NCKAP5: variants seen among roughly 807,000 people sequenced by gnomAD.
NCKAP5 encodes the protein NCK associated protein 5.
A neutral mutation model predicts 167.0 loss-of-function variants in NCKAP5; 92 were observed. The ratio of observed to expected loss-of-function variants is 0.55; its 90% confidence interval spans 0.47 to 0.66. The LOEUF is 0.66. NCKAP5 is among the 30% of genes least tolerant of loss of function. NCKAP5 has a pLI of 0.00. For missense variants in NCKAP5, 2,378 were observed against 2,315.0 expected (o/e 1.03, Z -0.56); for synonymous variants, 891 against 877.4 (o/e 1.02, Z -0.27).
At chr2:133,603,382 C>A in the NCKAP5 span, among the ~76,000 whole-genome samples, 1 of 151,972 alleles carries the variant, frequency 6.6e-6, no homozygotes, top group Non-Finnish European at 1.5e-5. Flanking sequence ...TGCACCACCA[C>A]ACCCAGCTAA....
chr2:132,917,543 A>C (rs1224019603), intron 8 of NCKAP5, among the ~76,000 whole-genome samples: 1 of 152,124 alleles, frequency 6.6e-6, no homozygotes, highest in Non-Finnish European at 1.5e-5. Context: ...TAAAATTTAT[A>C]ATAGTTGATT....
chr2:133,223,847 G>A (rs1404278432), intron 4 of NCKAP5, among the ~76,000 whole-genome samples: 1 of 152,108 alleles, frequency 6.6e-6, no homozygotes, highest in Non-Finnish European at 1.5e-5. Flanking sequence ...ACCAACATTG[G>A]AAAAGCACAA....
chr2:133,616,736 G>C, the NCKAP5 span, among the ~76,000 whole-genome samples: 2 of 151,864 alleles, frequency 1.3e-5, no homozygotes. Context: ...AGGAGGAACT[G>C]GTACCATTCC....
intron 6 of NCKAP5, among the ~76,000 whole-genome samples, chr2:133,103,132 A>G (rs529297903): frequency 6.6e-6 from 1 of 152,250 alleles, no homozygotes; most frequent in East Asian, 1.9e-4. Context: ...ATATTTTTAC[A>G]TATTTGTTGG....
chr2:133,608,247 A>C, the NCKAP5 span, among the ~76,000 whole-genome samples: 7 of 152,180 alleles, frequency 4.6e-5, no homozygotes, highest in African/African-American at 1.7e-4. Flanking sequence ...CTGATGATCA[A>C]ATTGCTCTTC....
chr2:133,625,864 T>A, the NCKAP5 span, among the ~76,000 whole-genome samples: 1,004 of 142,544 alleles, frequency 7.0e-3, 14 homozygotes, highest in African/African-American at 0.026. Flanking sequence ...GGAGCGAGAC[T>A]TGTCTCAAAA....
At chr2:133,075,891 A>C (rs2080584675) in intron 6 of NCKAP5, among the ~76,000 whole-genome samples, 1 of 152,210 alleles carries the variant, frequency 6.6e-6, no homozygotes, top group South Asian at 2.1e-4. Context: ...TAAATGGTCA[A>C]ACTACAATAA....
intron 5 of NCKAP5, among the ~76,000 whole-genome samples, chr2:133,187,932 G>A (rs2085022240): frequency 6.6e-6 from 1 of 151,978 alleles, no homozygotes; most frequent in African/African-American, 2.4e-5. Flanking sequence ...TATCCAATTT[G>A]CCAGTCTGTG....
chr2:133,122,112 G>A (rs1445332415), intron 6 of NCKAP5: 1 of 152,158 alleles, frequency 6.6e-6, no homozygotes, highest in Non-Finnish European at 1.5e-5. Flanking sequence ...GAGAGAACTG[G>A]TCCAGGACAT....
chr2:133,474,732 C>T (rs1679727115), intron 3 of NCKAP5, among the ~76,000 whole-genome samples: 1 of 151,900 alleles, frequency 6.6e-6, no homozygotes, highest in African/African-American at 2.4e-5. Flanking sequence ...CTATCTCTCT[C>T]CTACTAATTA....
chr2:133,382,418 C>T lies in NCKAP5; in HGVS notation c.70-79308G>A, dbSNP rs569371504. Among the ~76,000 whole-genome samples, 32 of 152,280 alleles carry T rather than the reference C, an allele frequency of 2.1e-4. 1 individual carries two copies. The South Asian group carries it at 6.0e-3, about 29-fold the overall frequency. On this transcript the variant is annotated intron_variant, in intron 3 of 19. Coordinates refer to ENST00000409261, the MANE Select transcript of NCKAP5 (RefSeq NM_207363.3). ...GGTATGCCACTCACCTTCACTTAAA[C>T]CATTCAATACCTTCTCATTGGTTTT... is the stretch of plus-strand genomic sequence containing the variant.
intron 11 of NCKAP5, among the ~76,000 whole-genome samples, chr2:132,802,794 C>A (rs1018534762): frequency 6.6e-6 from 1 of 152,092 alleles, no homozygotes; most frequent in South Asian, 2.1e-4. Flanking sequence ...TCTGTAGAAG[C>A]CAAATGATCT....
chr2:133,517,670 ATTG>A, intron 2 of NCKAP5, 83 bp from the exon 3 acceptor site: 1 of 444,492 alleles, frequency 2.2e-6, no homozygotes, highest in Non-Finnish European at 3.9e-6. Context: ...AGAAACAAGC[ATTG>A]AAGTCAAAAA....
intron 10 of NCKAP5, 148 bp from the exon 11 acceptor site, chr2:132,860,759 G>T (rs1447548): frequency 0.23 from 244,154 of 1,066,982 alleles, 30,354 homozygotes; most frequent in East Asian, 0.45. Context: ...ATACGTTTTC[G>T]TCCACAGACC....
chr2:133,622,424 G>T, the NCKAP5 span, among the ~76,000 whole-genome samples: 1 of 152,004 alleles, frequency 6.6e-6, no homozygotes. Flanking sequence ...ACTAGTAAAT[G>T]AATTCAGCAA....
intron 6 of NCKAP5, among the ~76,000 whole-genome samples, chr2:133,021,981 A>C (rs975176611): frequency 6.6e-6 from 1 of 152,150 alleles, no homozygotes; most frequent in Non-Finnish European, 1.5e-5. Context: ...TACACTTCTG[A>C]GATGATCCCA....
At chr2:132,917,976 A>G (rs1024562472) in intron 8 of NCKAP5, among the ~76,000 whole-genome samples, 2 of 152,244 alleles carry the variant, frequency 1.3e-5, no homozygotes, top group African/African-American at 2.4e-5. Context: ...GAAGTATATT[A>G]TACCAAGTCT....
At chr2:133,357,979 CTG>C (rs1684850911) in intron 3 of NCKAP5, among the ~76,000 whole-genome samples, 1 of 152,186 alleles carries the variant, frequency 6.6e-6, no homozygotes, top group African/African-American at 2.4e-5. Context: ...ATTCAAGCCT[CTG>C]TACTTGTGCT....
rs1482393250 is a variant in NCKAP5, at chr2:132,994,291, G to A, written c.342-52C>T. On this transcript the variant is annotated intron_variant, in intron 6 of 19. Transcript: ENST00000409261. The stretch of plus-strand genomic sequence containing the variant: ...CTTAAAGAAGGTTTCTAATTAACAC[G>A]GATCCACTCGAGTTGTAGAAATCAC... 2.4e-5 allele frequency: 31 copies of A among 1,293,434 alleles called. 1 individual carries two copies. Among genetic ancestry groups the A allele is most frequent in the South Asian group, 2.3e-4 (17 of 74,228 alleles). 80.1% of individuals were successfully genotyped at this position (1,293,434 alleles called of 1,614,324 possible).
Sources: allele counts gnomAD v4.1 joint callset (sites outside exome capture counted in the v4.1 genomes callset), GRCh38; gene constraint gnomAD v4.1.1; transcripts MANE v1.5; gene names NCBI Gene and HGNC (gene_info 2026-07-23, HGNC 2026-07-21).